The following ARGFX variants were observed in gnomAD, a reference collection of about 807,000 sequenced individuals.
ARGFX encodes arginine-fifty homeobox.
In ARGFX, 10 loss-of-function variants were observed where a neutral mutation model predicts 8.0. The observed-to-expected ratio is 1.25, with a 90% CI of 0.77 to 2.12. The LOEUF (loss-of-function observed/expected upper bound fraction) is 2.12. Among genes scored for constraint, ARGFX ranks in the 30% most tolerant of loss-of-function variants. ARGFX has a pLI of 0.00. For synonymous variants in ARGFX, 116 were observed against 117.8 expected (o/e 0.98, Z 0.10); for missense variants, 282 against 324.3 (o/e 0.87, Z 1.00).
intron 3 of ARGFX, among the ~76,000 whole-genome samples, chr3:121,578,846 T>TC (rs1245057219): frequency 2.0e-5 from 3 of 150,922 alleles, no homozygotes; most frequent in African/African-American, 7.3e-5. Flanking sequence ...ATTTTTTTTT[T>TC]TTTTGTATTT....
At chr3:121,583,027 T>TA (rs1176656064) in intron 3 of ARGFX, among the ~76,000 whole-genome samples, 1 of 77,428 alleles carries the variant, frequency 1.3e-5, no homozygotes, top group East Asian at 2.7e-4. Flanking sequence ...ATTGCGGGAT[T>TA]TTTTTTTTTT....
rs1169626426 is a variant in ARGFX at position 121,587,239 on chromosome 3, A to G, written c.*639A>G. Among the ~76,000 whole-genome samples, 1 of 151,976 alleles carries G rather than the reference A, an allele frequency of 6.6e-6. No individual in the cohort carries two copies. The highest frequency in any genetic ancestry group is 1.5e-5 in the Non-Finnish European group (1 of 67,994). On this transcript the variant is annotated 3_prime_UTR_variant, in exon 5 of 5. Transcript: ENST00000334384. ...GCTAACTTTTGTATTTTTAGTAGAG[A>G]CGGGGTTTCACCACGTTGCCCAGGC... is the stretch of plus-strand genomic sequence containing the variant.
At chr3:121,579,585 C>T (rs981262962) in intron 3 of ARGFX, among the ~76,000 whole-genome samples, 1 of 152,152 alleles carries the variant, frequency 6.6e-6, no homozygotes, top group Non-Finnish European at 1.5e-5. Flanking sequence ...TCAGGGAGCC[C>T]ACTTGTCCTT....
chr3:121,574,749 C>T (rs2048727021), intron 2 of ARGFX, among the ~76,000 whole-genome samples: 1 of 152,146 alleles, frequency 6.6e-6, no homozygotes, highest in Admixed American at 6.6e-5. Flanking sequence ...GGATTAGGGA[C>T]CCCGGATTTA....
At chr3:121,573,848 C>CAAAAAAA (rs35593006) in intron 2 of ARGFX, among the ~76,000 whole-genome samples, 4 of 59,024 alleles carry the variant, frequency 6.8e-5, no homozygotes, top group Admixed American at 2.5e-4. Context: ...AACTCCATCT[C>CAAAAAAA]AAAAAAAAAA....
At chr3:121,571,014 G>A (rs2048705059) in intron 2 of ARGFX, among the ~76,000 whole-genome samples, 198 bp downstream of exon 2, 1 of 152,208 alleles carries the variant, frequency 6.6e-6, no homozygotes, top group African/African-American at 2.4e-5. Flanking sequence ...CAAATTATGA[G>A]AGATAAGCTA....
chr3:121,578,535 G>A (rs1404346170), intron 3 of ARGFX, among the ~76,000 whole-genome samples: 1 of 152,078 alleles, frequency 6.6e-6, no homozygotes, highest in Non-Finnish European at 1.5e-5. Context: ...CTTGAGCCAA[G>A]GAGTTTGAGA....
intron 2 of ARGFX, among the ~76,000 whole-genome samples, chr3:121,576,112 T>C (rs1056692591): frequency 8.0e-5 from 12 of 150,650 alleles, no homozygotes; most frequent in African/African-American, 2.9e-4. Flanking sequence ...ATTTTCTCCT[T>C]TTTTTTTTCC....
intron 2 of ARGFX, among the ~76,000 whole-genome samples, chr3:121,573,354 G>A (rs549893927): frequency 1.5e-4 from 23 of 151,866 alleles, no homozygotes; most frequent in Admixed American, 7.2e-4. Context: ...GGTGGCAGGC[G>A]CCTGTAATCT....
intron 3 of ARGFX, among the ~76,000 whole-genome samples, chr3:121,577,241 A>ATCTACATG (rs2048745007): frequency 1.5e-5 from 1 of 65,306 alleles, no homozygotes. Flanking sequence ...ATATATATAT[A>ATCTACATG]TATATATATA....
intron 3 of ARGFX, among the ~76,000 whole-genome samples, chr3:121,580,602 A>AT (rs1198950517): frequency 2.3e-5 from 2 of 87,722 alleles, no homozygotes; most frequent in Non-Finnish European, 4.9e-5. Flanking sequence ...GTGTATATAT[A>AT]TATATTTTTT....
chr3:121,577,253 ATATATAT>A (rs2048746797), intron 3 of ARGFX, among the ~76,000 whole-genome samples: 2 of 53,304 alleles, frequency 3.8e-5, no homozygotes, highest in African/African-American at 1.5e-4. Flanking sequence ...ATATATATAT[ATATATAT>A]TTTTTTTTTT....
At chr3:121,574,657 C>T (rs1309898414) in intron 2 of ARGFX, among the ~76,000 whole-genome samples, 1 of 152,200 alleles carries the variant, frequency 6.6e-6, no homozygotes, top group African/African-American at 2.4e-5. Context: ...GATAAAGCTT[C>T]GCTGACTCAT....
chr3:121,578,028 C>T (rs544008004), intron 3 of ARGFX, among the ~76,000 whole-genome samples: 13 of 152,024 alleles, frequency 8.6e-5, no homozygotes, highest in South Asian at 6.2e-4. Context: ...TCAAGCGATC[C>T]GCTCGCCTTG....
In ARGFX at chr3:121,576,844, A is replaced by C; in HGVS notation, c.164A>C (p.Asn55Thr). 2.5e-6 allele frequency: 1 copy of C among 397,658 alleles called. No homozygotes were observed. The highest frequency in any genetic ancestry group is 4.9e-6 in the Non-Finnish European group (1 of 202,876). The allele number at this position is 397,658 out of a possible 1,614,324, so 24.6% of individuals were successfully genotyped here. The change falls in exon 3 of 5, where the codon AAC becomes ACC. Residue 55 changes from asparagine to threonine, a missense_variant. By Grantham distance (65) the Asn-to-Thr change is moderately conservative. Coordinates refer to ENST00000334384, the MANE Select transcript of ARGFX (RefSeq NM_001012659.2). The part of the protein sequence containing the change: ...SGTVSAYCSL[N>T]LPGSTDPPTS... ...ACGGTCTCGGCTTACTGCAGCCTCA[A>C]CCTCCCAGGTTCAACTGATCCTCCC...
chr3:121,587,964 AATAT>A lies in ARGFX; in HGVS notation c.*1376_*1379del, dbSNP rs3044706. On this transcript the variant is annotated 3_prime_UTR_variant, in exon 5 of 5. Coordinates refer to ENST00000334384, the MANE Select transcript of ARGFX (RefSeq NM_001012659.2). ...TTTTAATATAGTACAATGAAAAAAT[AATAT>A]ATATATATATAGTACAATGGTCCAG... is the stretch of plus-strand genomic sequence containing the variant. Among the ~76,000 whole-genome samples, 1 of 150,522 alleles carries A rather than the reference AATAT, an allele frequency of 6.6e-6. No homozygotes were observed.
chr3:121,581,293 A>T lies in ARGFX; in HGVS notation c.221-3624A>T, dbSNP rs202120307. ...TAAAGCTTCTAACTTTACTTTTAAT[A>T]GGTAATTAAACAATGTATATATGAC... On this transcript the variant is annotated intron_variant, in intron 3 of 4. Coordinates refer to ENST00000334384, the MANE Select transcript of ARGFX (RefSeq NM_001012659.2). 5.9e-5 allele frequency among the ~76,000 whole-genome samples: 9 copies of T among 152,200 alleles called. No homozygotes were observed. The East Asian group carries it at 1.3e-3, about 23-fold the overall frequency.
At chr3:121,573,576 A>C (rs1385452651) in intron 2 of ARGFX, among the ~76,000 whole-genome samples, 1 of 151,982 alleles carries the variant, frequency 6.6e-6, no homozygotes, top group Non-Finnish European at 1.5e-5. Flanking sequence ...TATAATATAT[A>C]CAAAACTAGA....
chr3:121,569,362 C>CTTTTTT (rs1193645372), intron 1 of ARGFX, among the ~76,000 whole-genome samples: 3 of 125,556 alleles, frequency 2.4e-5, no homozygotes, highest in Non-Finnish European at 5.0e-5. Context: ...AATGTGAAAA[C>CTTTTTT]TTTTTTTTTT....
Sources: gnomAD v4.1 joint callset for allele counts (sites outside exome capture counted in the v4.1 genomes callset) on GRCh38, gnomAD v4.1.1 for gene constraint, MANE v1.5 for transcripts, NCBI Gene and HGNC (gene_info 2026-07-23, HGNC 2026-07-21) for gene names.